Variants in PRSS36 observed in about 807,000 individuals in gnomAD.
PRSS36 encodes polyserase-2.
Under a neutral mutation model 94.3 loss-of-function variants are expected in PRSS36, and 90 were observed. That is an observed-to-expected ratio of 0.95 (90% confidence interval 0.80 to 1.14). The LOEUF is 1.14. Among genes scored for constraint, PRSS36 ranks in the 50% most tolerant of loss-of-function variants. The probability of loss-of-function intolerance (pLI) is 0.00; values close to 1 mark genes in which losing one functional copy is unlikely to be tolerated. For synonymous variants in PRSS36, 500 were observed against 489.6 expected (o/e 1.02, Z -0.28); for missense variants, 1,158 against 1,135.0 (o/e 1.02, Z -0.29).
chr16:31,149,782 G>A, intron 1 of PRSS36, 51 bp from the exon 2 acceptor site: 7 of 1,612,832 alleles, frequency 4.3e-6, no homozygotes, highest in Non-Finnish European at 5.1e-6. Flanking sequence ...CACTCAGTAT[G>A]TGCCCTCCCT....
intron 1 of PRSS36, 88 bp from the exon 2 acceptor site, chr16:31,149,819 C>T: frequency 1.3e-6 from 2 of 1,595,602 alleles, no homozygotes; most frequent in Middle Eastern, 1.7e-4. Context: ...CTCCTAGCCT[C>T]CGTCTCCCCA....
intron 6 of PRSS36, among the ~76,000 whole-genome samples, chr16:31,145,234 G>A (rs1408385806): frequency 1.3e-5 from 2 of 151,290 alleles, no homozygotes; most frequent in African/African-American, 2.4e-5. Context: ...TTAGCTGGGC[G>A]TCGTGGCGGG....
chr16:31,143,697 C>T lies in PRSS36; in HGVS notation c.861G>A (p.Arg287=). 1 of 1,614,168 alleles carries T rather than the reference C, an allele frequency of 6.2e-7. No homozygotes were observed. The highest frequency in any genetic ancestry group is 1.1e-5 in the South Asian group (1 of 91,088). The change falls in exon 7 of 15, where the codon CGG becomes CGA. Residue 287 remains arginine, a synonymous_variant. Coordinates refer to ENST00000268281, the MANE Select transcript of PRSS36 (RefSeq NM_173502.5). ...CAGGCTCTGAACCCATCACCTGCTC[C>T]CGTATCCATGCCTCATAGGTAGCCA... The part of the protein sequence containing the change: ...TAVATYEAWI[R]EQVMGSEPGP...
At position 31,148,588 on chromosome 16, in the gene PRSS36, G is replaced by T. The variant is rs2057837452; in HGVS notation, c.360C>A (p.Arg120=). The T allele has an allele frequency of 6.2e-7, 1 of 1,610,534 alleles. No individual in the cohort carries two copies. The highest frequency in any genetic ancestry group is 1.7e-5 in the Admixed American group (1 of 59,870). ...CCGGCACCACGATGGCGGCCACTGCGCGGGTGTGCGCGCCGTCCAGGGGCC... is the reference window on the plus strand; with the variant it reads ...CCGGCACCACGATGGCGGCCACTGCTCGGGTGTGCGCGCCGTCCAGGGGCC... ...QDGPLDGAHT[R]AVAAIVVPAN... Residue 120 remains arginine, a synonymous_variant, in exon 5 of 15, where the codon CGC becomes CGA. Coordinates refer to ENST00000268281, the MANE Select transcript of PRSS36 (RefSeq NM_173502.5).
At chr16:31,144,143 T>C (rs1215542343) in intron 6 of PRSS36, among the ~76,000 whole-genome samples, 1 of 151,372 alleles carries the variant, frequency 6.6e-6, no homozygotes, top group Non-Finnish European at 1.5e-5. Context: ...CCTCCCTCCC[T>C]TCCTTCCTTC....
intron 5 of PRSS36, 32 bp downstream of exon 5, chr16:31,148,363 G>A (rs1473170222): frequency 1.3e-6 from 2 of 1,512,790 alleles, no homozygotes; most frequent in South Asian, 1.2e-5. Flanking sequence ...CCACCTCCCC[G>A]AGGCCCTCCC....
In PRSS36 at chr16:31,148,442, T is replaced by C. The variant is rs1297238363; in HGVS notation, c.506A>G (p.His169Arg). The C allele has an allele frequency of 4.4e-6, 7 of 1,574,376 alleles. No individual in the cohort carries two copies. In the South Asian group the frequency reaches 7.9e-5, roughly 18 times the overall value. The change falls in exon 5 of 15, where the codon CAC becomes CGC. Residue 169 changes from histidine to arginine, a missense_variant. By Grantham distance (29) the His-to-Arg change is conservative. Transcript: ENST00000268281. ...CLPRASHRFV[H>R]GTACWATGWG... ...GCCGGTGGCCCAGCAGGCGGTGCCG[T>C]GCACGAAGCGGTGTGAGGCGCGGGG...
At position 31,149,058 on chromosome 16, in the gene PRSS36, A is replaced by G; in HGVS notation, c.272+15T>C. On this transcript the variant is annotated intron_variant, in intron 4 of 14. Coordinates refer to ENST00000268281, the MANE Select transcript of PRSS36 (RefSeq NM_173502.5). The stretch of plus-strand genomic sequence containing the variant: ...CTTTTGGCGGAGAGGGGCCAGGACC[A>G]GGGCGAATACTCACGTCATGAAACA... 6.3e-7 allele frequency: 1 copy of G among 1,579,182 alleles called. No homozygotes were observed.
At chr16:31,149,413 C>A in intron 3 of PRSS36, 50 bp downstream of exon 3, 1 of 1,608,094 alleles carries the variant, frequency 6.2e-7, no homozygotes, top group South Asian at 1.1e-5. Flanking sequence ...CATGGCCTGA[C>A]CAGCCTTAGC....
chr16:31,144,899 C>G (rs919111917), intron 6 of PRSS36, among the ~76,000 whole-genome samples: 1 of 151,860 alleles, frequency 6.6e-6, no homozygotes, highest in African/African-American at 2.4e-5. Context: ...ACCAGCCTGA[C>G]TAACATGGAG....
In PRSS36 at chr16:31,140,626, G is replaced by T. The variant is rs746022666; in HGVS notation, c.2033C>A (p.Pro678His). The T allele has an allele frequency of 6.2e-7, 1 of 1,612,682 alleles. No individual in the cohort carries two copies. ...IRLPQHLGLR[P>H]PLALLELSSR... ...GCTCAGCTCCAGGAGGGCCAGGGGG[G>T]GCCTGAGTCCCAGGTGCTGGGGCAG... The change falls in exon 13 of 15, where the codon CCC becomes CAC. Residue 678 changes from proline (P) to histidine (H), a missense_variant. Transcript: ENST00000268281.
intron 6 of PRSS36, among the ~76,000 whole-genome samples, 170 bp downstream of exon 6, chr16:31,145,619 A>G (rs562910801): frequency 3.5e-4 from 54 of 152,308 alleles, no homozygotes; most frequent in African/African-American, 1.3e-3. Flanking sequence ...AGCCTGGACG[A>G]CAAAGTGAGG....
Position 31,142,606 on chromosome 16 carries a change from G to A in PRSS36, c.1396C>T (p.Leu466=), listed in dbSNP as rs1263253029. The change falls in exon 10 of 15, where the codon CTG becomes TTG. Residue 466 remains leucine, a synonymous_variant. Coordinates refer to ENST00000268281, the MANE Select transcript of PRSS36 (RefSeq NM_173502.5). The part of the protein sequence containing the change: ...LGPGALLEAE[L]LGGWWCHCLY... ...CAGTGGCACCACCAGCCGCCTAACAGCTCCGCCTCCAGCAGCGCGCCTGGG... is the reference window on the plus strand; with the variant it reads ...CAGTGGCACCACCAGCCGCCTAACAACTCCGCCTCCAGCAGCGCGCCTGGG... 10 of 1,513,638 alleles carry A rather than the reference G, an allele frequency of 6.6e-6. No individual in the cohort carries two copies. The East Asian group carries it at 1.5e-4, about 23-fold the overall frequency. The allele number at this position is 1,513,638 out of a possible 1,614,324, so 93.8% of individuals were successfully genotyped here.
intron 5 of PRSS36, among the ~76,000 whole-genome samples, chr16:31,147,326 C>T (rs28385574): frequency 0.072 from 10,885 of 152,174 alleles, 549 homozygotes; most frequent in Non-Finnish European, 0.11. Flanking sequence ...TCTGGGTGCC[C>T]ATTGTTAGGA....
intron 5 of PRSS36, among the ~76,000 whole-genome samples, chr16:31,147,533 T>C (rs1231950929): frequency 1.3e-5 from 2 of 152,070 alleles, no homozygotes; most frequent in Non-Finnish European, 2.9e-5. Context: ...ATGGAAAGCT[T>C]GGGTGATGGG....
rs778638402 is a variant in PRSS36 at position 31,142,963 on chromosome 16, G to T, written c.1131C>A (p.Asp377Glu). The T allele has an allele frequency of 1.4e-6, 2 of 1,428,548 alleles. No individual in the cohort carries two copies. The highest frequency in any genetic ancestry group is 6.0e-5 in the Admixed American group (2 of 33,380). 88.5% of individuals were successfully genotyped at this position (1,428,548 alleles called of 1,614,324 possible). ...DPNSSDSPPRDLDAWRVLLPS... is the reference protein window; with the variant it reads ...DPNSSDSPPRELDAWRVLLPS... ...GCAGCAGCACGCGCCAGGCGTCGAG[G>T]TCGCGGGGTGGGCTGTCGGAGCTGT... Residue 377 changes from aspartate to glutamate, a missense_variant, in exon 9 of 15, where the codon GAC becomes GAA. Coordinates refer to ENST00000268281, the MANE Select transcript of PRSS36 (RefSeq NM_173502.5).
rs374476171 is a variant in PRSS36, at chr16:31,139,247, T to C, written c.2459A>G (p.His820Arg). The change falls in exon 15 of 15, where the codon CAC becomes CGC. Residue 820 changes from histidine to arginine, a missense_variant. By Grantham distance (29) the His-to-Arg change is conservative (BLOSUM62 0). Coordinates refer to ENST00000268281, the MANE Select transcript of PRSS36 (RefSeq NM_173502.5). ...ANFLPPSGSPHWPTGGSNLCP... is the reference protein window; with the variant it reads ...ANFLPPSGSPRWPTGGSNLCP... ...GAGATTGCTGCCTCCAGTGGGCCAG[T>C]GTGGGGAGCCACTGGGGGGCAGGAA... is the stretch of plus-strand genomic sequence containing the variant. The C allele has an allele frequency of 9.9e-5, 159 of 1,614,038 alleles. No individual in the cohort carries two copies. In the East Asian group the frequency reaches 1.6e-3, roughly 17 times the overall value.
rs114696211 is a variant in PRSS36 at position 31,139,129 on chromosome 16, C to A, written c.*9G>T. On this transcript the variant is annotated 3_prime_UTR_variant, in exon 15 of 15. Coordinates refer to ENST00000268281, the MANE Select transcript of PRSS36 (RefSeq NM_173502.5). ...GAGAAGGGGGAAGTGGTGCTGGGAC[C>A]CTAGCCCCTCAGCTCTGGATCAGGA... 2.2e-3 allele frequency: 3,418 copies of A among 1,538,650 alleles called. 57 individuals are homozygous for A. The African/African-American group carries it at 0.042, about 19-fold the overall frequency.
rs1160084013 is a variant in PRSS36 at position 31,142,865 on chromosome 16, T to G, written c.1229A>C (p.Asp410Ala). The G allele has an allele frequency of 6.4e-7, 1 of 1,560,592 alleles. No individual in the cohort carries two copies. Among genetic ancestry groups the G allele is most frequent in the Non-Finnish European group, 8.6e-7 (1 of 1,157,982 alleles). ...CGTGCGCAGCTGCAGCAGCGCCAGG[T>G]CCGAGGCGTTGTCCCACGAAGCGTT... ...HENASWDNASDLALLQLRTPV... is the reference protein window; with the variant it reads ...HENASWDNASALALLQLRTPV... Residue 410 changes from aspartate to alanine, a missense_variant, in exon 9 of 15, where the codon GAC (aspartate) becomes GCC (alanine). Physicochemically the swap from Asp to Ala is moderately radical, Grantham distance 126. Transcript: ENST00000268281.
Sources: gnomAD v4.1 joint callset for allele counts (sites outside exome capture counted in the v4.1 genomes callset) on GRCh38, gnomAD v4.1.1 for gene constraint, MANE v1.5 for transcripts, NCBI Gene and HGNC (gene_info 2026-07-23, HGNC 2026-07-21) for gene names.